TP73: variants seen among roughly 807,000 people sequenced by gnomAD.
TP73 encodes the protein tumor protein p73, also known as p53-like transcription factor.
In TP73, 25 loss-of-function variants were observed where a neutral mutation model predicts 62.5. The observed-to-expected ratio is 0.40, with a 90% confidence interval of 0.29 to 0.56. TP73 has a LOEUF of 0.56. Ranked by LOEUF, TP73 falls within the 20% of genes least tolerant of loss-of-function variation. The pLI is 0.46. For synonymous variants in TP73, 423 were observed against 377.5 expected, an observed-to-expected ratio of 1.12 and a Z score of -1.40; for missense variants, 754 against 913.3, an observed-to-expected ratio of 0.83 and a Z score of 2.25.
intron 6 of TP73, among the ~76,000 whole-genome samples, chr1:3,725,124 C>T (rs1411213161): frequency 6.6e-6 from 1 of 152,126 alleles, no homozygotes. Context: ...TCTGGTTCCT[C>T]TTTCTGCCCA....
intron 8 of TP73, 87 bp from the exon 9 acceptor site, chr1:3,728,042 G>A: frequency 7.3e-7 from 1 of 1,376,178 alleles, no homozygotes; most frequent in Non-Finnish European, 9.9e-7. Context: ...TTGGCCCCAA[G>A]GGTGGGGCAG....
chr1:3,712,429 C>T (rs1640227755), intron 4 of TP73: 1 of 152,242 alleles, frequency 6.6e-6, no homozygotes, highest in Non-Finnish European at 1.5e-5. Context: ...GAGGAACTCA[C>T]TCTTGGGCCC....
intron 3 of TP73, among the ~76,000 whole-genome samples, chr1:3,692,217 A>G (rs899637155): frequency 2.6e-5 from 4 of 152,058 alleles, no homozygotes; most frequent in African/African-American, 9.7e-5. Flanking sequence ...CGATGGATAC[A>G]TGGATGTCTG....
At chr1:3,728,067 G>A (rs1226477100) in intron 8 of TP73, 62 bp from the exon 9 acceptor site, 65 of 1,508,262 alleles carry the variant, frequency 4.3e-5, no homozygotes, top group South Asian at 8.4e-5. Flanking sequence ...CCCTCCTCCC[G>A]GAAGGAGGCC....
intron 6 of TP73, among the ~76,000 whole-genome samples, chr1:3,724,696 T>A (rs1049885648): frequency 2.6e-5 from 4 of 152,238 alleles, no homozygotes; most frequent in Non-Finnish European, 5.9e-5. Flanking sequence ...CTGCCCACAT[T>A]GTGGTCTGGG....
In TP73 at chr1:3,701,802, C is replaced by T. The variant is rs2124350017; in HGVS notation, c.187-5747C>T. 6.6e-6 allele frequency among the ~76,000 whole-genome samples: 1 copy of T among 152,328 alleles called. No homozygotes were observed. The highest frequency in any genetic ancestry group is 1.9e-4 in the East Asian group (1 of 5,168). ...GGGATGACAGGCATGAGCCACCACG[C>T]CTGGCCAGTACATGTTGATTTCATC... On this transcript the variant is annotated intron_variant, in intron 3 of 13. Transcript: ENST00000378295. The surrounding 1 kb of genome is among the most constrained non-coding windows in gnomAD (Gnocchi z 4.7).
Position 3,727,662 on chromosome 1 carries a change from C to A in TP73, c.877C>A (p.Arg293Ser). Reference protein sequence around the residue: ...QVLGRRSFEGRICACPGRDRK... With the variant: ...QVLGRRSFEGSICACPGRDRK... ...GCTGGGCCGCCGGTCCTTTGAGGGC[C>A]GCATCTGCGCCTGTCCTGGCCGCGA... Residue 293 changes from arginine to serine, a missense_variant, in exon 8 of 14, where the codon CGC becomes AGC. Transcript: ENST00000378295. The A allele has an allele frequency of 6.3e-7, 1 of 1,599,484 alleles. No individual in the cohort carries two copies. Among genetic ancestry groups the A allele is most frequent in the East Asian group, 2.3e-5 (1 of 44,346 alleles).
At chr1:3,679,031 G>A (rs1029773622) in intron 1 of TP73, among the ~76,000 whole-genome samples, 3 of 152,198 alleles carry the variant, frequency 2.0e-5, no homozygotes, top group Admixed American at 1.3e-4. Flanking sequence ...CCACGACCAC[G>A]CTCGCTGGCC....
rs749038392 is a variant in TP73, at chr1:3,683,013, C to T, written c.66-47C>T. Reference sequence around the variant, plus strand: ...CTGGGCCTGGGAGGTATTGGGGTGACACCCAAACTGGGGACTGACGCTTCT... The same window carrying T: ...CTGGGCCTGGGAGGTATTGGGGTGATACCCAAACTGGGGACTGACGCTTCT... On this transcript the variant is annotated intron_variant, in intron 2 of 13. Coordinates refer to ENST00000378295, the MANE Select transcript of TP73 (RefSeq NM_005427.4). The T allele has an allele frequency of 1.9e-6, 3 of 1,572,060 alleles. No homozygotes were observed. The Admixed American group carries it at 5.1e-5, about 27-fold the overall frequency.
chr1:3,729,033 G>A (rs1641913053), intron 9 of TP73, among the ~76,000 whole-genome samples: 1 of 151,752 alleles, frequency 6.6e-6, no homozygotes, highest in Non-Finnish European at 1.5e-5. Context: ...AGACAGACTT[G>A]GTTTCTAAAA....
chr1:3,686,857 T>G (rs1645670414), intron 3 of TP73, among the ~76,000 whole-genome samples: 1 of 152,178 alleles, frequency 6.6e-6, no homozygotes, highest in African/African-American at 2.4e-5. Context: ...GGCCTCAGTT[T>G]CCTGTCTATA....
At chr1:3,727,975 C>T (rs1641812131) in intron 8 of TP73, among the ~76,000 whole-genome samples, 154 bp from the exon 9 acceptor site, 1 of 152,172 alleles carries the variant, frequency 6.6e-6, no homozygotes, top group Admixed American at 6.5e-5. Context: ...CTGGGTGGCA[C>T]CGCAGGTTTG....
At chr1:3,730,229 G>A in intron 11 of TP73, 81 bp downstream of exon 11, 1 of 1,370,768 alleles carries the variant, frequency 7.3e-7, no homozygotes, top group East Asian at 2.7e-5. Flanking sequence ...ACACCACCCA[G>A]CTCGGGACCC....
Position 3,670,944 on chromosome 1 carries a change from G to C in TP73, c.-33-11389G>C, listed in dbSNP as rs1431176250. 6.6e-6 allele frequency among the ~76,000 whole-genome samples: 1 copy of C among 152,234 alleles called. No homozygotes were observed. The highest frequency in any genetic ancestry group is 2.4e-5 in the African/African-American group (1 of 41,464). On this transcript the variant is annotated intron_variant, in intron 1 of 13. Coordinates refer to ENST00000378295, the MANE Select transcript of TP73 (RefSeq NM_005427.4). This position sits in a 1 kb window ranked among gnomAD's most constrained non-coding sequence, Gnocchi z 5.9. ...TCTGGCCCGCAAAGAGTCAGCATGT[G>C]AATGTCTCTCCATGCGATGGGTGCT...
chr1:3,673,875 C>T (rs1426088622), intron 1 of TP73, among the ~76,000 whole-genome samples: 2 of 152,080 alleles, frequency 1.3e-5, no homozygotes, highest in South Asian at 2.1e-4. Context: ...TGTGGCTGTG[C>T]GGTGGGAACA....
intron 6 of TP73, among the ~76,000 whole-genome samples, chr1:3,724,036 G>T (rs867714031): frequency 6.6e-6 from 1 of 152,158 alleles, no homozygotes; most frequent in Non-Finnish European, 1.5e-5. Context: ...ACGTGGGTGG[G>T]GGGTGCAGGG....
intron 3 of TP73, among the ~76,000 whole-genome samples, chr1:3,686,933 C>T (rs12064267): frequency 0.013 from 1,926 of 152,214 alleles, 46 homozygotes; most frequent in African/African-American, 0.044. Flanking sequence ...CCGGGCCCAT[C>T]GGGAGTATGT....
Position 3,727,161 on chromosome 1 carries a change from G to A in TP73, c.779G>A (p.Ser260Asn). The A allele has an allele frequency of 1.2e-6, 2 of 1,612,210 alleles. No homozygotes were observed. Among genetic ancestry groups the A allele is most frequent in the Non-Finnish European group, 1.7e-6 (2 of 1,179,590 alleles). The change falls in exon 7 of 14, where the codon AGC becomes AAC. Residue 260 changes from serine (S) to asparagine (N), a missense_variant. Ser to Asn is a conservative substitution (Grantham distance 46). This residue lies in a region of TP73 where 61 missense variants were observed against 133.2 expected (regional missense o/e 0.46). Transcript: ENST00000378295. ...ATCCTGTACAACTTCATGTGTAACA[G>A]CAGCTGTGTAGGGGGCATGAACCGG... is the stretch of plus-strand genomic sequence containing the variant. The part of the protein sequence containing the change: ...TTILYNFMCN[S>N]SCVGGMNRRP...
intron 6 of TP73, among the ~76,000 whole-genome samples, chr1:3,725,046 T>C (rs941351949): frequency 2.0e-5 from 3 of 151,406 alleles, no homozygotes; most frequent in African/African-American, 4.9e-5. Flanking sequence ...TTTTGGTTCA[T>C]GTCTCAGCTG....
Sources: allele counts gnomAD v4.1 joint callset (sites outside exome capture counted in the v4.1 genomes callset), GRCh38; gene constraint gnomAD v4.1.1; regional missense constraint gnomAD v4.1.1; non-coding constraint Gnocchi (gnomAD v3.1); transcripts MANE v1.5; gene names NCBI Gene and HGNC (gene_info 2026-07-23, HGNC 2026-07-21).